The following LRRC24 variants were observed in gnomAD, a reference collection of about 807,000 sequenced individuals.
LRRC24 encodes the protein leucine-rich repeat-containing protein 24.
In LRRC24, 19 loss-of-function variants were observed where a neutral mutation model predicts 15.3. The observed-to-expected ratio is 1.25, with a 90% CI of 0.87 to 1.83. The LOEUF is 1.83. Ranked by LOEUF, LRRC24 falls within the 40% of genes most tolerant of loss-of-function variation. The probability of loss-of-function intolerance (pLI) is 0.00; values close to 1 mark genes in which losing one functional copy is unlikely to be tolerated. For missense variants in LRRC24, 914 were observed against 723.9 expected (o/e 1.26, Z -3.01); for synonymous variants, 469 against 359.6 (o/e 1.30, Z -3.44).
chr8:144,526,423 G>A (rs1816362385), intron 1 of LRRC24: 1 of 152,304 alleles, frequency 6.6e-6, no homozygotes, highest in Non-Finnish European at 1.5e-5. Flanking sequence ...AGTGGAGAAG[G>A]TTCTTGGCCT....
At position 144,524,323 on chromosome 8, in the gene LRRC24, T is replaced by TG. The variant is rs759709387; in HGVS notation, c.439-46dup. 4.4e-6 allele frequency: 7 copies of TG among 1,602,908 alleles called. No individual in the cohort carries two copies. In the Admixed American group the frequency reaches 1.2e-4, roughly 27 times the overall value. On this transcript the variant is annotated intron_variant, in intron 3 of 4. Coordinates refer to ENST00000529415, the MANE Select transcript of LRRC24 (RefSeq NM_001024678.4). Reference sequence around the variant, plus strand: ...TCGTGAGGAAAAAGGGCGCCGAGGTTGGGGGCATGTCTCTCTTCTTACCAA... The same window carrying TG: ...TCGTGAGGAAAAAGGGCGCCGAGGTTGGGGGGCATGTCTCTCTTCTTACCAA...
At position 144,523,201 on chromosome 8, in the gene LRRC24, G is replaced by C. The variant is rs1434922677; in HGVS notation, c.816C>G (p.Asn272Lys). 1.2e-6 allele frequency: 2 copies of C among 1,609,808 alleles called. No homozygotes were observed. Among genetic ancestry groups the C allele is most frequent in the East Asian group, 4.5e-5 (2 of 44,720 alleles). Residue 272 changes from asparagine to lysine, a missense_variant, in exon 5 of 5, where the codon AAC (asparagine) becomes AAG (lysine). By Grantham distance (94) the Asn-to-Lys change is moderately conservative. Transcript: ENST00000529415. ...VHVQPLELTA[N>K]LGEDLRVACQ... ...AGGCAACCCGCAGGTCCTCACCCAG[G>C]TTGGCTGTGAGCTCCAGCGGCTGCA...
In LRRC24 at chr8:144,522,548, T is replaced by C; in HGVS notation, c.1469A>G (p.Asp490Gly). Residue 490 changes from aspartate to glycine, a missense_variant, in exon 5 of 5, where the codon GAC becomes GGC. Coordinates refer to ENST00000529415, the MANE Select transcript of LRRC24 (RefSeq NM_001024678.4). ...CCCCGCCCCCTGTTCCGGGCCGCAG[T>C]CAGCGGGCGCCTCCGCCGGACCCTC... is the stretch of plus-strand genomic sequence containing the variant. Reference protein sequence around the residue: ...FAEGPAEAPADCGPEQGAGPG... With the variant: ...FAEGPAEAPAGCGPEQGAGPG... The C allele has an allele frequency of 6.5e-7, 1 of 1,532,434 alleles. No individual in the cohort carries two copies. 94.9% of individuals were successfully genotyped at this position (1,532,434 alleles called of 1,614,324 possible).
Position 144,522,716 on chromosome 8 carries a change from T to C in LRRC24, c.1301A>G (p.Lys434Arg). 4 of 1,592,380 alleles carry C rather than the reference T, an allele frequency of 2.5e-6. No individual in the cohort carries two copies. The highest frequency in any genetic ancestry group is 2.7e-5 in the African/African-American group (2 of 73,690). Reference sequence around the variant, plus strand: ...TCCCTCCCCCGGAGGCCCCCGCGCCTTTTTTCGCCTGCGGCGCCGGCGACA... The same window carrying C: ...TCCCTCCCCCGGAGGCCCCCGCGCCCTTTTTCGCCTGCGGCGCCGGCGACA... ...MICRRRRRRK[K>R]ARGPPGEGAL... Residue 434 changes from lysine to arginine, a missense_variant, in exon 5 of 5, where the codon AAG becomes AGG. Transcript: ENST00000529415.
Position 144,523,421 on chromosome 8 carries a change from C to T in LRRC24, c.608-12G>A. ...GCGCCATGGGTTCTCTGTGGGAGAG[C>T]AGCGTTAGGCAGGTGGCTTGAGGGT... is the stretch of plus-strand genomic sequence containing the variant. On this transcript the variant is annotated splice_polypyrimidine_tract_variant and intron_variant, in intron 4 of 4. Coordinates refer to ENST00000529415, the MANE Select transcript of LRRC24 (RefSeq NM_001024678.4). The T allele has an allele frequency of 6.6e-7, 1 of 1,515,026 alleles. No individual in the cohort carries two copies. The highest frequency in any genetic ancestry group is 8.8e-7 in the Non-Finnish European group (1 of 1,132,742). The allele number at this position is 1,515,026 out of a possible 1,614,324, so 93.8% of individuals were successfully genotyped here.
intron 1 of LRRC24, chr8:144,525,798 T>C (rs1399034006): frequency 6.6e-6 from 1 of 152,076 alleles, no homozygotes; most frequent in African/African-American, 2.4e-5. Context: ...CTGGGAAAGC[T>C]GGGGTGGGAC....
chr8:144,522,402 C>T lies in LRRC24; in HGVS notation c.*73G>A. On this transcript the variant is annotated 3_prime_UTR_variant, in exon 5 of 5. Transcript: ENST00000529415. The stretch of plus-strand genomic sequence containing the variant: ...TCAGCGCACACTGCGCGGCTTCCAC[C>T]TTTACTGACGGAGCATGCGCGAGGC... 1 of 1,369,470 alleles carries T rather than the reference C, an allele frequency of 7.3e-7. No individual in the cohort carries two copies. Among genetic ancestry groups the T allele is most frequent in the African/African-American group, 1.5e-5 (1 of 65,286 alleles). The allele number at this position is 1,369,470 out of a possible 1,614,324, so 84.8% of individuals were successfully genotyped here. A position where few individuals can be genotyped will look rare whatever the true frequency, so the allele number is the denominator to read the frequency against.
Position 144,522,531 on chromosome 8 carries a change from CCT to C in LRRC24, c.1484_1485del (p.Gln495ArgfsTer26). 6.6e-7 allele frequency: 1 copy of C among 1,521,484 alleles called. No homozygotes were observed. Among genetic ancestry groups the C allele is most frequent in the Non-Finnish European group, 8.8e-7 (1 of 1,136,800 alleles). The allele number at this position is 1,521,484 out of a possible 1,614,324, so 94.2% of individuals were successfully genotyped here. A position where few individuals can be genotyped will look rare whatever the true frequency, so the allele number is the denominator to read the frequency against. On this transcript the variant is annotated frameshift_variant, in exon 5 of 5. Coordinates refer to ENST00000529415, the MANE Select transcript of LRRC24 (RefSeq NM_001024678.4). LOFTEE classifies it low-confidence loss of function (END_TRUNC). ...GGCACGCGGAGTCCCGGCCCCGCCC[CCT>C]GTTCCGGGCCGCAGTCAGCGGGCGC... ...AEAPADCGPE[Q>X]GAGPGLRVPP...
chr8:144,523,042 C>A lies in LRRC24; in HGVS notation c.975G>T (p.Thr325=), dbSNP rs1045126686. Residue 325 remains threonine, a synonymous_variant, in exon 5 of 5, where the codon ACG becomes ACT. Transcript: ENST00000529415. ...LGLGGHSASD[T]GSGMLFLSNI... Reference sequence around the variant, plus strand: ...TGCTGAGGAAGAGCATGCCGCTGCCCGTGTCGGATGCCGAGTGTCCGCCCA... The same window carrying A: ...TGCTGAGGAAGAGCATGCCGCTGCCAGTGTCGGATGCCGAGTGTCCGCCCA... 6.9e-6 allele frequency: 11 copies of A among 1,602,398 alleles called. No homozygotes were observed. Among genetic ancestry groups the A allele is most frequent in the Admixed American group, 1.7e-5 (1 of 59,178 alleles).
In LRRC24 at chr8:144,522,575, G is replaced by A. The variant is rs758121489; in HGVS notation, c.1442C>T (p.Ala481Val). Residue 481 changes from alanine to valine, a missense_variant, in exon 5 of 5, where the codon GCC becomes GTC. By Grantham distance (64) the Ala-to-Val change is moderately conservative. Transcript: ENST00000529415. ...AGCGGGCGCCTCCGCCGGACCCTCG[G>A]CGAAGAGCGGCTTGGAGCGGTTGAT... ...FVINRSKPLF[A>V]EGPAEAPADC... The A allele has an allele frequency of 1.9e-5, 30 of 1,556,038 alleles. No homozygotes were observed. The Admixed American group carries it at 5.5e-4, about 28-fold the overall frequency.
intron 1 of LRRC24, 94 bp from the exon 2 acceptor site, chr8:144,525,127 A>C: frequency 2.7e-6 from 2 of 749,998 alleles, no homozygotes; most frequent in Non-Finnish European, 3.8e-6. Flanking sequence ...TTGACGCTAT[A>C]AATAGGTTCA....
Position 144,524,855 on chromosome 8 carries a change from C to T in LRRC24, c.120G>A (p.Arg40=). 1 of 1,493,796 alleles carries T rather than the reference C, an allele frequency of 6.7e-7. No individual in the cohort carries two copies. The highest frequency in any genetic ancestry group is 8.9e-7 in the Non-Finnish European group (1 of 1,121,384). The allele number at this position is 1,493,796 out of a possible 1,614,324, so 92.5% of individuals were successfully genotyped here. A position where few individuals can be genotyped will look rare whatever the true frequency, so the allele number is the denominator to read the frequency against. ...YSATVECGAL[R]LRVVPLGIPP... ...GGATTCCCAGCGGGACGACGCGCAA[C>T]CGCAGGGCGCCACACTCCACCGTGG... The change falls in exon 2 of 5, where the codon CGG becomes CGA. Residue 40 remains arginine, a synonymous_variant. Transcript: ENST00000529415.
chr8:144,523,568 C>T, intron 4 of LRRC24, 159 bp from the exon 5 acceptor site: 1 of 1,204,704 alleles, frequency 8.3e-7, no homozygotes, highest in South Asian at 2.2e-5. Context: ...ACCCCAAGCT[C>T]CTTGGGGCGG....
In LRRC24 at chr8:144,525,006, C is replaced by A; in HGVS notation, c.-32G>T. 1 of 1,416,404 alleles carries A rather than the reference C, an allele frequency of 7.1e-7. No homozygotes were observed. 87.7% of individuals were successfully genotyped at this position (1,416,404 alleles called of 1,614,324 possible). On this transcript the variant is annotated 5_prime_UTR_variant, in exon 2 of 5. Transcript: ENST00000529415. ...AGGCCCGGTTCCTCACCGGCCCTTC[C>A]GCGGTTCAGCCGCAGACGCGTGCCC...
At chr8:144,523,617 T>TAACAGGCAGGCATCACAGA in intron 4 of LRRC24, 1 of 655,666 alleles carries the variant, frequency 1.5e-6, no homozygotes, top group Non-Finnish European at 2.3e-6. Context: ...TTTAGCTCTG[T>TAACAGGCAGGCATCACAGA]GATGCCTGCC....
chr8:144,522,908 T>A lies in LRRC24; in HGVS notation c.1109A>T (p.Gln370Leu), dbSNP rs759515453. Residue 370 changes from glutamine to leucine, a missense_variant, in exon 5 of 5, where the codon CAG (glutamine) becomes CTG (leucine). Gln to Leu is a moderately radical substitution (Grantham distance 113, BLOSUM62 -2). Transcript: ENST00000529415. ...CGGAGGCGGCGGTTGCGCGGGCTGC[T>A]GCGGCTGCTGCCGGGACGCGTTGAC... ...LLVNASRQQPQQPAQPPPPAA... is the reference protein window; with the variant it reads ...LLVNASRQQPLQPAQPPPPAA... 10 of 1,373,860 alleles carry A rather than the reference T, an allele frequency of 7.3e-6. No homozygotes were observed. The highest frequency in any genetic ancestry group is 9.4e-6 in the Non-Finnish European group (10 of 1,069,446). The allele number at this position is 1,373,860 out of a possible 1,614,324, so 85.1% of individuals were successfully genotyped here.
chr8:144,524,660 G>A lies in LRRC24; in HGVS notation c.219C>T (p.Leu73=). The change falls in exon 3 of 5, where the codon CTC becomes CTT. Residue 73 remains leucine, a synonymous_variant. Coordinates refer to ENST00000529415, the MANE Select transcript of LRRC24 (RefSeq NM_001024678.4). The part of the protein sequence containing the change: ...ARLEPGALAP[L]AALRRLYLHN... ...GCAGGTAGAGCCGGCGCAGAGCGGC[G>A]AGTGGCGCCAGGGCTCCCGGCTCTA... 2.0e-6 allele frequency: 3 copies of A among 1,495,360 alleles called. No homozygotes were observed. The highest frequency in any genetic ancestry group is 2.6e-6 in the Non-Finnish European group (3 of 1,132,640). The allele number at this position is 1,495,360 out of a possible 1,614,324, so 92.6% of individuals were successfully genotyped here. A position where few individuals can be genotyped will look rare whatever the true frequency, so the allele number is the denominator to read the frequency against.
Position 144,524,528 on chromosome 8 carries a change from G to A in LRRC24, c.351C>T (p.Ala117=). The A allele has an allele frequency of 1.9e-6, 3 of 1,590,298 alleles. No individual in the cohort carries two copies. The highest frequency in any genetic ancestry group is 2.5e-6 in the Non-Finnish European group (3 of 1,176,734). Reference sequence around the variant, plus strand: ...CGCGCAGCTGGGCCAGGCCTACGAAGGCGCCGCTGCGCAAGCCGCGCAGCC... The same window carrying A: ...CGCGCAGCTGGGCCAGGCCTACGAAAGCGCCGCTGCGCAAGCCGCGCAGCC... The part of the protein sequence containing the change: ...SNRLRGLRSG[A]FVGLAQLRVL... Residue 117 remains alanine, a synonymous_variant, in exon 3 of 5, where the codon GCC becomes GCT. Coordinates refer to ENST00000529415, the MANE Select transcript of LRRC24 (RefSeq NM_001024678.4).
Position 144,524,933 on chromosome 8 carries a change from TAGCAGCAGC to T in LRRC24, c.33_41del (p.Leu14_Leu16del), listed in dbSNP as rs1205522349. 7.9e-6 allele frequency: 12 copies of T among 1,510,860 alleles called. 1 individual carries two copies. The South Asian group carries it at 1.2e-4, about 15-fold the overall frequency. The allele number at this position is 1,510,860 out of a possible 1,614,324, so 93.6% of individuals were successfully genotyped here. A position where few individuals can be genotyped will look rare whatever the true frequency, so the allele number is the denominator to read the frequency against. ...AGCCGGCGGCGCGGAGCGGCAGTAG[TAGCAGCAGC>T]AGCGGCAGCAGTGCGGGGGCCCTCA... is the stretch of plus-strand genomic sequence containing the variant. On this transcript the variant is annotated inframe_deletion, in exon 2 of 5. Coordinates refer to ENST00000529415, the MANE Select transcript of LRRC24 (RefSeq NM_001024678.4).
Sources: gnomAD v4.1 joint callset for allele counts on GRCh38, gnomAD v4.1.1 for gene constraint, MANE v1.5 for transcripts, NCBI Gene and HGNC (gene_info 2026-07-23, HGNC 2026-07-21) for gene names.